The following AUTS2 variants were observed in gnomAD, a reference collection of about 807,000 sequenced individuals.
The protein encoded by AUTS2 is activator of transcription and developmental regulator AUTS2.
AUTS2 carries 17 observed loss-of-function variants against 112.4 expected under a neutral mutation model. The ratio of observed to expected loss-of-function variants is 0.15; its 90% CI spans 0.10 to 0.23. AUTS2 has a LOEUF of 0.23. AUTS2 is among the 10% of genes least tolerant of loss of function. AUTS2 has a pLI of 1.00. For synonymous variants in AUTS2, 751 were observed against 702.7 expected (o/e 1.07, Z -1.09); for missense variants, 1,510 against 1,701.6 (o/e 0.89, Z 1.98).
chr7:70,509,946 C>A (rs1563004354), intron 5 of AUTS2, among the ~76,000 whole-genome samples: 1 of 152,186 alleles, frequency 6.6e-6, no homozygotes. Flanking sequence ...ACTGTACCCC[C>A]TAAAGGGACC....
chr7:70,588,506 C>A (rs1040741928), intron 5 of AUTS2, among the ~76,000 whole-genome samples: 2 of 152,254 alleles, frequency 1.3e-5, no homozygotes, highest in African/African-American at 4.8e-5. Flanking sequence ...GTGATAGCTT[C>A]TTGGACCTTA....
intron 4 of AUTS2, among the ~76,000 whole-genome samples, chr7:70,409,360 T>C (rs1316960243): frequency 6.6e-6 from 1 of 152,212 alleles, no homozygotes; most frequent in Non-Finnish European, 1.5e-5. Flanking sequence ...TGTGTGTATT[T>C]ATGTATGTAT....
At chr7:70,118,526 C>G (rs1337223326) in intron 3 of AUTS2, 3 of 205,352 alleles carry the variant, frequency 1.5e-5, no homozygotes, top group Non-Finnish European at 2.9e-5. Context: ...CGCCTGTAAT[C>G]CCAGCACTTT....
intron 6 of AUTS2, among the ~76,000 whole-genome samples, chr7:70,759,002 T>G (rs1247204102): frequency 6.6e-6 from 1 of 152,166 alleles, no homozygotes; most frequent in Non-Finnish European, 1.5e-5. Context: ...ACTGCTTTGT[T>G]TATAGGTTGC....
intron 5 of AUTS2, among the ~76,000 whole-genome samples, chr7:70,697,201 C>G (rs756340694): frequency 6.6e-6 from 1 of 151,972 alleles, no homozygotes; most frequent in Non-Finnish European, 1.5e-5. Context: ...CAGGAAGGCC[C>G]TCTGTATTTT....
chr7:69,983,921 A>G (rs888323049), intron 2 of AUTS2, among the ~76,000 whole-genome samples: 21 of 152,360 alleles, frequency 1.4e-4, no homozygotes, highest in Non-Finnish European at 4.4e-5. Context: ...TATGATTCAC[A>G]TATACAACTT....
At chr7:70,619,871 C>T (rs1332500224) in intron 5 of AUTS2, among the ~76,000 whole-genome samples, 1 of 152,162 alleles carries the variant, frequency 6.6e-6, no homozygotes, top group Admixed American at 6.5e-5. Context: ...CCAGCGCCTG[C>T]CTCCGCCCAT....
intron 4 of AUTS2, among the ~76,000 whole-genome samples, chr7:70,356,785 A>T (rs1050605004): frequency 1.5e-4 from 22 of 151,322 alleles, no homozygotes; most frequent in African/African-American, 5.4e-4. Flanking sequence ...TGGAAAATGC[A>T]TCAGTGGAGA....
chr7:69,941,847 G>A (rs1263797059), intron 2 of AUTS2, among the ~76,000 whole-genome samples: 1 of 152,154 alleles, frequency 6.6e-6, no homozygotes, highest in Non-Finnish European at 1.5e-5. Flanking sequence ...CAGACTGGAT[G>A]AACTGGTTAG....
chr7:70,580,114 G>A (rs62455828), intron 5 of AUTS2, among the ~76,000 whole-genome samples: 11,950 of 152,134 alleles, frequency 0.079, 534 homozygotes, highest in Middle Eastern at 0.13. Context: ...GGTGTGCACT[G>A]GGCCTCAAAG....
At chr7:70,035,178 A>G (rs1482885950) in intron 2 of AUTS2, among the ~76,000 whole-genome samples, 2 of 152,206 alleles carry the variant, frequency 1.3e-5, no homozygotes, top group Non-Finnish European at 2.9e-5. Context: ...AGTCATGCAG[A>G]ATGCCTTTGA....
At chr7:70,036,807 C>A (rs1254649121) in intron 2 of AUTS2, among the ~76,000 whole-genome samples, 2 of 152,218 alleles carry the variant, frequency 1.3e-5, no homozygotes, top group Non-Finnish European at 2.9e-5. Flanking sequence ...TGAGCTAATT[C>A]TTTTGCCAAT....
At chr7:70,483,211 A>G (rs1307970142) in intron 5 of AUTS2, among the ~76,000 whole-genome samples, 1 of 145,992 alleles carries the variant, frequency 6.8e-6, no homozygotes, top group Non-Finnish European at 1.5e-5. Flanking sequence ...TGTGTGCTCC[A>G]GTTTATCTCC....
intron 2 of AUTS2, among the ~76,000 whole-genome samples, chr7:69,986,889 A>G (rs761660064): frequency 1.3e-5 from 2 of 152,156 alleles, no homozygotes; most frequent in Non-Finnish European, 2.9e-5. Context: ...CCCTTGCCCA[A>G]TCTTTCATAA....
chr7:70,641,625 C>T (rs887603426), intron 5 of AUTS2, among the ~76,000 whole-genome samples: 1 of 152,144 alleles, frequency 6.6e-6, no homozygotes, highest in Admixed American at 6.5e-5. Context: ...CTAAGGTAAT[C>T]AGGTTCCTTA....
chr7:70,239,732 G>A (rs796169046), intron 4 of AUTS2, among the ~76,000 whole-genome samples: 3 of 152,020 alleles, frequency 2.0e-5, no homozygotes, highest in South Asian at 4.2e-4. Context: ...ACCATACCCG[G>A]CCCCTGCAAC....
At chr7:70,070,443 G>A (rs943706955) in intron 2 of AUTS2, among the ~76,000 whole-genome samples, 17 of 151,810 alleles carry the variant, frequency 1.1e-4, no homozygotes, top group African/African-American at 3.9e-4. Context: ...GCCAGGTGTG[G>A]TGGTGCATGC....
At chr7:70,617,905 T>G (rs1404157676) in intron 5 of AUTS2, among the ~76,000 whole-genome samples, 1 of 152,186 alleles carries the variant, frequency 6.6e-6, no homozygotes, top group East Asian at 1.9e-4. Flanking sequence ...AGAAAGAATT[T>G]TCCTCAAGAT....
At chr7:70,176,955 C>A (rs1329774934) in intron 4 of AUTS2, among the ~76,000 whole-genome samples, 1 of 152,140 alleles carries the variant, frequency 6.6e-6, no homozygotes, top group Non-Finnish European at 1.5e-5. Context: ...CCTCATTCTT[C>A]ATAAAAGTAA....
Sources: allele counts gnomAD v4.1 joint callset (sites outside exome capture counted in the v4.1 genomes callset), GRCh38; gene constraint gnomAD v4.1.1; transcripts MANE v1.5; gene names NCBI Gene and HGNC (gene_info 2026-07-23, HGNC 2026-07-21).